CFAP119: variants seen among roughly 807,000 people sequenced by gnomAD.
CFAP119 encodes cilia- and flagella-associated protein 119.
At chr16:30,761,371 G>A in the CFAP119 span, 5 of 1,381,652 alleles carry the variant, frequency 3.6e-6, no homozygotes, top group Middle Eastern at 1.8e-4. Flanking sequence ...GGCTTCAGCA[G>A]GCCCTAGGTG....
At chr16:30,761,222 A>G in the CFAP119 span, 1 of 1,613,746 alleles carries the variant, frequency 6.2e-7, no homozygotes, top group Non-Finnish European at 8.5e-7. Flanking sequence ...GGGTCGGGGC[A>G]GCGGCGGCTG....
chr16:30,759,300 G>C, the CFAP119 span: 1 of 1,612,858 alleles, frequency 6.2e-7, no homozygotes, highest in South Asian at 1.1e-5. Context: ...GCTGAGGGGA[G>C]GGGCGGTTGA....
the CFAP119 span, chr16:30,757,709 G>C: frequency 6.4e-7 from 1 of 1,551,870 alleles, no homozygotes; most frequent in East Asian, 2.3e-5. Flanking sequence ...CTGGCAATGG[G>C]GGGATGGTCC....
At chr16:30,759,429 T>C in the CFAP119 span, 2 of 1,614,216 alleles carry the variant, frequency 1.2e-6, no homozygotes, top group South Asian at 1.1e-5. Flanking sequence ...GCTGTTCCTC[T>C]TTGAAGAGGT....
chr16:30,761,710 C>T, the CFAP119 span: 2 of 1,531,950 alleles, frequency 1.3e-6, no homozygotes, highest in Non-Finnish European at 8.7e-7. Context: ...CCGACTGCAC[C>T]CTCATTCCCA....
the CFAP119 span, chr16:30,758,071 T>A: frequency 6.5e-6 from 1 of 154,972 alleles, no homozygotes; most frequent in African/African-American, 2.4e-5. Context: ...ATTGGCTTTC[T>A]CTTTTTTTTT....
the CFAP119 span, chr16:30,761,775 G>A: frequency 6.7e-7 from 1 of 1,501,172 alleles, no homozygotes; most frequent in Non-Finnish European, 8.9e-7. Flanking sequence ...GCCGCGAGGC[G>A]CCCCGGGCTC....
chr16:30,760,028 A>G, the CFAP119 span: 19 of 1,495,272 alleles, frequency 1.3e-5, no homozygotes, highest in Non-Finnish European at 1.7e-5. Context: ...AAACATTCTA[A>G]AGCAGGTGTT....
At chr16:30,760,061 G>C in the CFAP119 span, 2 of 1,530,106 alleles carry the variant, frequency 1.3e-6, no homozygotes, top group Non-Finnish European at 1.7e-6. Context: ...GCATATATTT[G>C]CATATATTAT....
At chr16:30,757,677 G>A in the CFAP119 span, 7 of 1,599,422 alleles carry the variant, frequency 4.4e-6, no homozygotes, top group Non-Finnish European at 6.0e-6. Flanking sequence ...GGAAGAAGGG[G>A]CAGGGTGAGG....
At chr16:30,757,762 T>C in the CFAP119 span, 283 of 1,463,108 alleles carry the variant, frequency 1.9e-4, no homozygotes, top group Middle Eastern at 7.6e-4. Flanking sequence ...GGTGGGGATA[T>C]AGAGGTAGCA....
chr16:30,761,167 T>C, the CFAP119 span: 1 of 1,611,684 alleles, frequency 6.2e-7, no homozygotes. Context: ...AACGCAAATA[T>C]TCAGTGTAAT....
chr16:30,761,245 G>A, the CFAP119 span: 18 of 1,613,604 alleles, frequency 1.1e-5, no homozygotes, highest in South Asian at 2.2e-5. Context: ...GAAAGAAAGC[G>A]AATTGGGGAA....
chr16:30,761,876 G>A, the CFAP119 span: 1 of 965,414 alleles, frequency 1.0e-6, no homozygotes, highest in Non-Finnish European at 1.5e-6. Context: ...TACGCGCGGA[G>A]AGGCGCGGCG....
the CFAP119 span, chr16:30,761,191 C>G: frequency 1.2e-6 from 2 of 1,613,826 alleles, no homozygotes; most frequent in Non-Finnish European, 1.7e-6. Context: ...TGTCTCTTCA[C>G]ACTCACCACA....
the CFAP119 span, chr16:30,759,733 G>A: frequency 6.2e-7 from 1 of 1,603,364 alleles, no homozygotes; most frequent in Non-Finnish European, 8.5e-7. Flanking sequence ...TGCTGGTAGG[G>A]AAAGCAAGAT....
chr16:30,759,526 C>G, the CFAP119 span: 1 of 1,614,024 alleles, frequency 6.2e-7, no homozygotes. Flanking sequence ...TCCAAAAGCC[C>G]AGCAACAGGA....
chr16:30,761,627 C>T, the CFAP119 span: 1 of 1,536,118 alleles, frequency 6.5e-7, no homozygotes, highest in Non-Finnish European at 8.7e-7. Context: ...CGCACGCGTC[C>T]GCGCGGCCGA....
the CFAP119 span, chr16:30,760,469 G>GT: frequency 6.2e-7 from 1 of 1,613,346 alleles, no homozygotes; most frequent in Non-Finnish European, 8.5e-7. Flanking sequence ...GAGGGAGAGA[G>GT]GAGTGAGTGA....
Sources: allele counts gnomAD v4.1 joint callset, GRCh38; gene constraint gnomAD v4.1.1; transcripts MANE v1.5; gene names NCBI Gene and HGNC (gene_info 2026-07-23, HGNC 2026-07-21).